TGFB3: variants seen among roughly 807,000 people sequenced by gnomAD.
TGFB3 encodes the protein transforming growth factor beta 3.
A neutral mutation model predicts 40.1 loss-of-function variants in TGFB3; 5 were observed. The observed-to-expected ratio is 0.12, with a 90% confidence interval of 0.07 to 0.26. The LOEUF is 0.26. Among genes scored for constraint, TGFB3 ranks in the 10% least tolerant of loss-of-function variants. The pLI, the probability that TGFB3 is intolerant of heterozygous loss-of-function variation, is 1.00. For missense variants in TGFB3, 373 were observed against 530.1 expected (o/e 0.70, Z 2.91); for synonymous variants, 184 against 205.6 (o/e 0.89, Z 0.90).
Position 75,963,429 on chromosome 14 carries a change from C to G in TGFB3, c.813G>C (p.Lys271Asn), listed in dbSNP as rs147601018. ...RGDLGRLKKQ[K>N]DHHNPHLILM... Reference sequence around the variant, plus strand: ...GGATTAGATGAGGGTTGTGGTGATCCTTCTGCTTCTTGAGGCGCCCCAGAT... The same window carrying G: ...GGATTAGATGAGGGTTGTGGTGATCGTTCTGCTTCTTGAGGCGCCCCAGAT... Residue 271 changes from lysine (K) to asparagine (N), a missense_variant, in exon 5 of 7, where the codon AAG (lysine) becomes AAC (asparagine). Transcript: ENST00000238682. 181 of 1,611,824 alleles carry G rather than the reference C, an allele frequency of 1.1e-4. No homozygotes were observed. The highest frequency in any genetic ancestry group is 1.5e-4 in the Non-Finnish European group (180 of 1,179,282).
intron 3 of TGFB3, among the ~76,000 whole-genome samples, chr14:75,968,702 A>C (rs1305087381): frequency 1.3e-5 from 2 of 152,162 alleles, no homozygotes; most frequent in African/African-American, 4.8e-5. Flanking sequence ...CTTCATGCTC[A>C]GTAGGAGGGA....
rs199646113 is a variant in TGFB3, at chr14:75,958,704, TAAAA to T, written c.*479_*482del. On this transcript the variant is annotated 3_prime_UTR_variant, in exon 7 of 7. Coordinates refer to ENST00000238682, the MANE Select transcript of TGFB3 (RefSeq NM_003239.5). ...GGACTTTGTCTTCGTAACCTGTCTT[TAAAA>T]AAAAAAAAAAAATGCTTGCCTTGTA... The T allele has an allele frequency of 5.2e-5, 9 of 174,300 alleles. No homozygotes were observed. The highest frequency in any genetic ancestry group is 2.5e-4 in the South Asian group (2 of 7,920). The allele number at this position is 174,300 out of a possible 1,614,324, so 10.8% of individuals were successfully genotyped here. A position where few individuals can be genotyped will look rare whatever the true frequency, so the allele number is the denominator to read the frequency against.
intron 3 of TGFB3, among the ~76,000 whole-genome samples, chr14:75,968,339 G>T (rs2035246011): frequency 7.0e-6 from 1 of 143,802 alleles, no homozygotes; most frequent in Non-Finnish European, 1.5e-5. Context: ...AAGGTGGGCA[G>T]TATCTGCCTA....
At chr14:75,969,657 A>G (rs1159300612) in intron 3 of TGFB3, among the ~76,000 whole-genome samples, 2 of 152,198 alleles carry the variant, frequency 1.3e-5, no homozygotes, top group Non-Finnish European at 2.9e-5. Flanking sequence ...TATTTGGGAC[A>G]TGTGAAGTTT....
chr14:75,960,345 G>A (rs2035141185), intron 6 of TGFB3: 2 of 160,916 alleles, frequency 1.2e-5, no homozygotes, highest in African/African-American at 4.8e-5. Context: ...CATTTAGTAA[G>A]TGCAGCGTGC....
intron 1 of TGFB3, among the ~76,000 whole-genome samples, chr14:75,972,662 G>A (rs1467289508): frequency 6.6e-6 from 1 of 152,180 alleles, no homozygotes; most frequent in Non-Finnish European, 1.5e-5. Context: ...AAATGCAAAT[G>A]AGTAAGAGGG....
Position 75,980,601 on chromosome 14 carries a change from G to A in TGFB3, c.293C>T (p.Ser98Leu), listed in dbSNP as rs142047577. 5.9e-4 allele frequency: 957 copies of A among 1,614,172 alleles called. 5 individuals carry two copies. Among genetic ancestry groups the A allele is most frequent in the Non-Finnish European group, 5.5e-4 (644 of 1,180,034 alleles). Residue 98 changes from serine to leucine, a missense_variant, in exon 1 of 7, where the codon TCG becomes TTG. Coordinates refer to ENST00000238682, the MANE Select transcript of TGFB3 (RefSeq NM_003239.5). The surrounding 1 kb of genome is among the most constrained non-coding windows in gnomAD (Gnocchi z 4.3). The stretch of plus-strand genomic sequence containing the variant: ...ATGGATTTCTTTGGCATAGTATTCC[G>A]ACTCGGTGTTTTCCTGGGTGCAGCC... Reference protein sequence around the residue: ...EEGCTQENTESEYYAKEIHKF... With the variant: ...EEGCTQENTELEYYAKEIHKF...
At chr14:75,977,849 G>A (rs1202275495) in intron 1 of TGFB3, among the ~76,000 whole-genome samples, 3 of 151,926 alleles carry the variant, frequency 2.0e-5, no homozygotes, top group African/African-American at 4.8e-5. Context: ...CACTTACAAC[G>A]TGTATTTTAC....
chr14:75,961,943 G>A (rs2035161759), intron 5 of TGFB3, among the ~76,000 whole-genome samples: 1 of 152,128 alleles, frequency 6.6e-6, no homozygotes, highest in Non-Finnish European at 1.5e-5. Context: ...AGGGGGTAAG[G>A]GCAAGTTCTG....
intron 1 of TGFB3, among the ~76,000 whole-genome samples, chr14:75,977,828 G>A (rs1027105123): frequency 6.6e-6 from 1 of 151,896 alleles, no homozygotes; most frequent in Non-Finnish European, 1.5e-5. Flanking sequence ...GTTAAAGGAG[G>A]TTAAAGGTAA....
At chr14:75,977,949 C>T (rs996832231) in intron 1 of TGFB3, among the ~76,000 whole-genome samples, 2 of 152,082 alleles carry the variant, frequency 1.3e-5, no homozygotes, top group African/African-American at 2.4e-5. Context: ...CTTAAGCAAT[C>T]CAGGTCTCAG....
chr14:75,967,683 A>G (rs942219032), intron 3 of TGFB3, among the ~76,000 whole-genome samples: 2 of 152,208 alleles, frequency 1.3e-5, no homozygotes, highest in Non-Finnish European at 2.9e-5. Flanking sequence ...GATGACAACA[A>G]TCACTAACTT....
chr14:75,976,961 C>A (rs567321757), intron 1 of TGFB3, among the ~76,000 whole-genome samples: 1 of 152,282 alleles, frequency 6.6e-6, no homozygotes, highest in East Asian at 1.9e-4. Flanking sequence ...ACTCCACCCC[C>A]TCAAGATTCT....
chr14:75,968,996 C>T (rs2035254653), intron 3 of TGFB3, among the ~76,000 whole-genome samples: 1 of 152,130 alleles, frequency 6.6e-6, no homozygotes, highest in Admixed American at 6.5e-5. Context: ...AGGATGCATA[C>T]CCCATCTCAA....
At chr14:75,974,157 G>A (rs1394802615) in intron 1 of TGFB3, among the ~76,000 whole-genome samples, 1 of 151,926 alleles carries the variant, frequency 6.6e-6, no homozygotes, top group Non-Finnish European at 1.5e-5. Context: ...AAAGAAGGGA[G>A]ATGGAAAATG....
intron 1 of TGFB3, among the ~76,000 whole-genome samples, chr14:75,975,152 G>C (rs1262192281): frequency 6.6e-6 from 1 of 152,058 alleles, no homozygotes; most frequent in East Asian, 1.9e-4. Flanking sequence ...TGGATCACTG[G>C]AGGTCAGGAG....
intron 1 of TGFB3, among the ~76,000 whole-genome samples, chr14:75,976,436 A>C (rs1244017323): frequency 6.6e-6 from 1 of 152,222 alleles, no homozygotes; most frequent in Admixed American, 6.5e-5. Flanking sequence ...TTGAGAAACC[A>C]CTGCTTTAAT....
Position 75,980,694 on chromosome 14 carries a change from T to G in TGFB3, c.200A>C (p.Tyr67Ser). The G allele has an allele frequency of 6.2e-7, 1 of 1,614,186 alleles. No homozygotes were observed. Among genetic ancestry groups the G allele is most frequent in the Admixed American group, 1.7e-5 (1 of 60,032 alleles). Residue 67 changes from tyrosine to serine, a missense_variant, in exon 1 of 7, where the codon TAT (tyrosine) becomes TCT (serine). Tyr to Ser is a moderately radical substitution (Grantham distance 144, BLOSUM62 -2). Coordinates refer to ENST00000238682, the MANE Select transcript of TGFB3 (RefSeq NM_003239.5). This position sits in a 1 kb window ranked among gnomAD's most constrained non-coding sequence, Gnocchi z 4.3. The part of the protein sequence containing the change: ...PEPTVMTHVP[Y>S]QVLALYNSTR... ...GCTGTTGTAAAGGGCCAGGACCTGA[T>G]AGGGGACGTGGGTCATCACCGTTGG...
At chr14:75,970,491 T>C (rs1188134103) in intron 3 of TGFB3, among the ~76,000 whole-genome samples, 1 of 151,480 alleles carries the variant, frequency 6.6e-6, no homozygotes, top group Admixed American at 6.6e-5. Flanking sequence ...ACCCAGATGG[T>C]GGAGGTGCAG....
Sources: gnomAD v4.1 joint callset for allele counts (sites outside exome capture counted in the v4.1 genomes callset) on GRCh38, gnomAD v4.1.1 for gene constraint, Gnocchi (gnomAD v3.1) non-coding constraint, MANE v1.5 for transcripts, NCBI Gene and HGNC (gene_info 2026-07-23, HGNC 2026-07-21) for gene names.